MARK1: variants seen among roughly 807,000 people sequenced by gnomAD.
The protein encoded by MARK1 is serine/threonine-protein kinase MARK1.
Under a neutral mutation model 96.3 loss-of-function variants are expected in MARK1, and 40 were observed. The ratio of observed to expected loss-of-function variants is 0.42; its 90% CI spans 0.32 to 0.54. The LOEUF is 0.54. MARK1 is among the 20% of genes least tolerant of loss of function. The pLI is 0.16. For missense variants in MARK1, 719 were observed against 984.6 expected (o/e 0.73, Z 3.61); for synonymous variants, 317 against 341.2 (o/e 0.93, Z 0.78).
chr1:220,597,133 T>G (rs1212231779), intron 3 of MARK1, among the ~76,000 whole-genome samples: 1 of 152,198 alleles, frequency 6.6e-6, no homozygotes, highest in African/African-American at 2.4e-5. Context: ...TGATAGACTC[T>G]GGTTGCGGGG....
chr1:220,649,073 T>C (rs1447316907), intron 13 of MARK1, among the ~76,000 whole-genome samples: 1 of 152,242 alleles, frequency 6.6e-6, no homozygotes, highest in Non-Finnish European at 1.5e-5. Context: ...GTTAATGACA[T>C]GTTAAATGGG....
At chr1:220,610,536 C>T (rs1202979102) in intron 6 of MARK1, among the ~76,000 whole-genome samples, 3 of 152,296 alleles carry the variant, frequency 2.0e-5, no homozygotes, top group Middle Eastern at 6.8e-3. Flanking sequence ...TACAGACCTT[C>T]TGAAGCCTAC....
At chr1:220,595,231 A>G (rs1665255729) in intron 3 of MARK1, among the ~76,000 whole-genome samples, 1 of 152,240 alleles carries the variant, frequency 6.6e-6, no homozygotes, top group African/African-American at 2.4e-5. Flanking sequence ...ATATGTATAT[A>G]AAATGACTTC....
chr1:220,590,297 C>T (rs1461069557), intron 3 of MARK1, among the ~76,000 whole-genome samples: 2 of 152,134 alleles, frequency 1.3e-5, no homozygotes, highest in Admixed American at 6.5e-5. Flanking sequence ...GTCTGCTAGT[C>T]GGGCCATCAC....
intron 1 of MARK1, among the ~76,000 whole-genome samples, chr1:220,569,245 T>A (rs1384838700): frequency 6.6e-6 from 1 of 152,186 alleles, no homozygotes; most frequent in Non-Finnish European, 1.5e-5. Context: ...AATTGACTTG[T>A]GGAAGTTTAG....
chr1:220,548,788 TAAAG>T (rs1206243143), intron 1 of MARK1, among the ~76,000 whole-genome samples: 2 of 152,062 alleles, frequency 1.3e-5, no homozygotes, highest in Admixed American at 6.6e-5. Flanking sequence ...AATTAATAAA[TAAAG>T]AACAAACACC....
intron 13 of MARK1, among the ~76,000 whole-genome samples, chr1:220,645,314 A>G (rs1387991222): frequency 6.6e-6 from 1 of 152,234 alleles, no homozygotes; most frequent in African/African-American, 2.4e-5. Flanking sequence ...TGGAAAATCT[A>G]GAAGAAATGG....
chr1:220,635,528 T>C lies in MARK1; in HGVS notation c.1275T>C (p.His425=), dbSNP rs923229137. 6.2e-7 allele frequency: 1 copy of C among 1,602,038 alleles called. No individual in the cohort carries two copies. Among genetic ancestry groups the C allele is most frequent in the Non-Finnish European group, 8.5e-7 (1 of 1,177,230 alleles). Residue 425 remains histidine (H), a splice_region_variant and synonymous_variant, in exon 12 of 18, where the codon CAT becomes CAC. Coordinates refer to ENST00000366917, the MANE Select transcript of MARK1 (RefSeq NM_018650.5). Reference sequence around the variant, plus strand: ...AGAAGCAGCGGCGTTTCAGTGATCATGGTAGGGGAAAAAGTCACATAAGTG... The same window carrying C: ...AGAAGCAGCGGCGTTTCAGTGATCACGGTAGGGGAAAAAGTCACATAAGTG... ...ANQKQRRFSD[H]AGPSIPPAVS...
In MARK1 at chr1:220,653,280, G is replaced by A. The variant is rs752299166; in HGVS notation, c.1916G>A (p.Gly639Asp). ...GPPASPSHETGAFAHARRGTS... is the reference protein window; with the variant it reads ...GPPASPSHETDAFAHARRGTS... Reference sequence around the variant, plus strand: ...CCTGCTTCACCATCCCATGAAACGGGTGCATTTGCACATGCCAGAAGGGGA... The same window carrying A: ...CCTGCTTCACCATCCCATGAAACGGATGCATTTGCACATGCCAGAAGGGGA... Residue 639 changes from glycine (G) to aspartate (D), a missense_variant, in exon 16 of 18, where the codon GGT becomes GAT. Gly to Asp is a moderately conservative substitution (Grantham distance 94). Around this residue, in one of 4 missense-constraint regions of MARK1, gnomAD observed 501 missense variants for 588.3 expected, o/e 0.85. Transcript: ENST00000366917. The A allele has an allele frequency of 1.4e-5, 22 of 1,614,210 alleles. No individual in the cohort carries two copies. In the South Asian group the frequency reaches 2.2e-4, roughly 16 times the overall value.
At position 220,528,550 on chromosome 1, in the gene MARK1, C is replaced by T; in HGVS notation, c.-273C>T. 2.2e-6 allele frequency: 1 copy of T among 456,352 alleles called. No homozygotes were observed. Among genetic ancestry groups the T allele is most frequent in the Non-Finnish European group, 3.9e-6 (1 of 259,658 alleles). The allele number at this position is 456,352 out of a possible 1,614,324, so 28.3% of individuals were successfully genotyped here. A position where few individuals can be genotyped will look rare whatever the true frequency, so the allele number is the denominator to read the frequency against. On this transcript the variant is annotated 5_prime_UTR_variant, in exon 1 of 18. Coordinates refer to ENST00000366917, the MANE Select transcript of MARK1 (RefSeq NM_018650.5). ...TCATCCTGCCAGCCTCGCCGCCCCG[C>T]CAGCGCCGGGCAACCGCCTCGCCCG...
At chr1:220,615,465 G>C (rs892292733) in intron 6 of MARK1, among the ~76,000 whole-genome samples, 1 of 152,060 alleles carries the variant, frequency 6.6e-6, no homozygotes, top group Admixed American at 6.5e-5. Context: ...TCATTGTTAA[G>C]TTCTTAGTGA....
intron 1 of MARK1, among the ~76,000 whole-genome samples, chr1:220,544,015 AATG>A (rs1489221074): frequency 6.6e-6 from 1 of 152,234 alleles, no homozygotes; most frequent in Non-Finnish European, 1.5e-5. Context: ...GGATGGAAAA[AATG>A]ATAAGTCAAT....
At chr1:220,612,740 T>C (rs992530894) in intron 6 of MARK1, among the ~76,000 whole-genome samples, 2 of 152,184 alleles carry the variant, frequency 1.3e-5, no homozygotes, top group African/African-American at 4.8e-5. Context: ...CATTTACTTT[T>C]ATTTGCTTTT....
At chr1:220,630,587 A>C (rs1042132291) in intron 9 of MARK1, among the ~76,000 whole-genome samples, 10 of 151,946 alleles carry the variant, frequency 6.6e-5, no homozygotes, top group Non-Finnish European at 1.3e-4. Context: ...TTTACTGCCA[A>C]CCCTGATTTT....
At chr1:220,596,678 T>C (rs1665381286) in intron 3 of MARK1, among the ~76,000 whole-genome samples, 1 of 152,176 alleles carries the variant, frequency 6.6e-6, no homozygotes, top group Non-Finnish European at 1.5e-5. Flanking sequence ...TTTTTGCACA[T>C]TTTATTTCTT....
chr1:220,598,357 G>A lies in MARK1; in HGVS notation c.336G>A (p.Lys112=). 1.7e-6 allele frequency: 1 copy of A among 575,498 alleles called. No individual in the cohort carries two copies. Among genetic ancestry groups the A allele is most frequent in the Non-Finnish European group, 3.0e-6 (1 of 331,944 alleles). The allele number at this position is 575,498 out of a possible 1,614,324, so 35.6% of individuals were successfully genotyped here. The change falls in exon 4 of 18, where the codon AAG becomes AAA. Residue 112 remains lysine (K), a synonymous_variant. Transcript: ENST00000366917. The part of the protein sequence containing the change: ...QKLFREVRIM[K]ILNHPNIVKL... ...TATTTCGAGAAGTACGAATAATGAAGATACTGAATCATCCTAATATAGGTA... is the reference window on the plus strand; with the variant it reads ...TATTTCGAGAAGTACGAATAATGAAAATACTGAATCATCCTAATATAGGTA...
At chr1:220,540,006 G>A (rs1661021932) in intron 1 of MARK1, among the ~76,000 whole-genome samples, 1 of 152,026 alleles carries the variant, frequency 6.6e-6, no homozygotes, top group Admixed American at 6.5e-5. Context: ...CTGGTCTTGG[G>A]CTTATCGTTG....
At chr1:220,586,011 A>ACACGCACGCGCG (rs112968910) in intron 3 of MARK1, among the ~76,000 whole-genome samples, 58 of 148,636 alleles carry the variant, frequency 3.9e-4, no homozygotes, top group Non-Finnish European at 5.6e-4. Flanking sequence ...ACACACACAC[A>ACACGCACGCGCG]CGCGCGCGTG....
intron 10 of MARK1, 117 bp from the exon 11 acceptor site, chr1:220,632,084 C>T: frequency 1.9e-6 from 1 of 526,284 alleles, no homozygotes; most frequent in South Asian, 3.9e-5. Context: ...TAAAACTACA[C>T]TTTAAATTTT....
Sources: gnomAD v4.1 joint callset for allele counts (sites outside exome capture counted in the v4.1 genomes callset) on GRCh38, gnomAD v4.1.1 for gene constraint, gnomAD v4.1.1 regional missense constraint, MANE v1.5 for transcripts, NCBI Gene and HGNC (gene_info 2026-07-23, HGNC 2026-07-21) for gene names.